EXOC6B: variants seen among roughly 807,000 people sequenced by gnomAD.
The protein encoded by EXOC6B is SEC15 homolog B.
A neutral mutation model predicts 113.5 loss-of-function variants in EXOC6B; 54 were observed. The ratio of observed to expected loss-of-function variants is 0.48; its 90% CI spans 0.38 to 0.60. The LOEUF (loss-of-function observed/expected upper bound fraction) is 0.60. Among genes scored for constraint, EXOC6B ranks in the 20% least tolerant of loss-of-function variants. The pLI is 0.00. For missense variants in EXOC6B, 797 were observed against 977.5 expected (o/e 0.82, Z 2.46); for synonymous variants, 357 against 339.0 (o/e 1.05, Z -0.58).
intron 20 of EXOC6B, among the ~76,000 whole-genome samples, chr2:72,258,538 A>G (rs1316244138): frequency 1.3e-5 from 2 of 148,806 alleles, no homozygotes; most frequent in Non-Finnish European, 3.0e-5. Context: ...AATTTTTTAA[A>G]TTTTTTCTTT....
intron 6 of EXOC6B, among the ~76,000 whole-genome samples, chr2:72,575,872 A>G (rs567552326): frequency 6.6e-6 from 1 of 152,306 alleles, no homozygotes; most frequent in South Asian, 2.1e-4. Flanking sequence ...CATCACATTA[A>G]TGTATACCTT....
intron 6 of EXOC6B, among the ~76,000 whole-genome samples, chr2:72,619,125 T>C (rs1482442332): frequency 2.6e-5 from 4 of 151,872 alleles, no homozygotes; most frequent in Non-Finnish European, 1.5e-5. Context: ...GTTACAGCCA[T>C]TCTCCTACCA....
At chr2:72,580,148 T>TG (rs1156949370) in intron 6 of EXOC6B, among the ~76,000 whole-genome samples, 1 of 145,094 alleles carries the variant, frequency 6.9e-6, no homozygotes, top group South Asian at 2.2e-4. Context: ...TTTTTTTTTT[T>TG]TTTTTTTTTT....
chr2:72,284,497 C>A (rs1477463237), intron 20 of EXOC6B, among the ~76,000 whole-genome samples: 2 of 151,994 alleles, frequency 1.3e-5, no homozygotes, highest in African/African-American at 4.8e-5. Context: ...CTACAAAAAA[C>A]CTACAGCTAA....
At chr2:72,361,547 G>A (rs952750115) in intron 19 of EXOC6B, among the ~76,000 whole-genome samples, 12 of 152,286 alleles carry the variant, frequency 7.9e-5, no homozygotes, top group African/African-American at 2.9e-4. Flanking sequence ...TACGGAACTG[G>A]AGAGGCAAGA....
chr2:72,702,021 C>T (rs1212401964), intron 6 of EXOC6B, among the ~76,000 whole-genome samples: 3 of 151,590 alleles, frequency 2.0e-5, no homozygotes, highest in South Asian at 2.1e-4. Flanking sequence ...GCTGCACCCA[C>T]TAACTCGTCA....
At chr2:72,415,668 G>A (rs553055956) in intron 18 of EXOC6B, among the ~76,000 whole-genome samples, 1 of 152,002 alleles carries the variant, frequency 6.6e-6, no homozygotes, top group Non-Finnish European at 1.5e-5. Flanking sequence ...CACTGTTGAT[G>A]GAACACTGCT....
At chr2:72,736,228 T>C (rs1170167599) in intron 2 of EXOC6B, among the ~76,000 whole-genome samples, 1 of 151,704 alleles carries the variant, frequency 6.6e-6, no homozygotes, top group Non-Finnish European at 1.5e-5. Flanking sequence ...AAAGAAACTA[T>C]ACCAGCTGTC....
At chr2:72,722,004 G>A (rs1477905774) in intron 5 of EXOC6B, 17 of 134,858 alleles carry the variant, frequency 1.3e-4, no homozygotes, top group African/African-American at 3.4e-4. Flanking sequence ...TGCTCTAATT[G>A]AAAAAAAAAA....
At chr2:72,568,019 A>C (rs1375445882) in intron 7 of EXOC6B, among the ~76,000 whole-genome samples, 2 of 152,058 alleles carry the variant, frequency 1.3e-5, no homozygotes, top group Non-Finnish European at 1.5e-5. Context: ...ACATGGTCTA[A>C]TGTATTACTA....
At chr2:72,290,178 G>A (rs1037490878) in intron 20 of EXOC6B, among the ~76,000 whole-genome samples, 4 of 152,130 alleles carry the variant, frequency 2.6e-5, no homozygotes, top group African/African-American at 7.2e-5. Context: ...TCTCCAGCCT[G>A]CCAACTGCAT....
intron 20 of EXOC6B, among the ~76,000 whole-genome samples, chr2:72,284,495 A>T (rs1260921810): frequency 2.0e-5 from 3 of 152,076 alleles, no homozygotes; most frequent in African/African-American, 7.2e-5. Flanking sequence ...ATCTACAAAA[A>T]ACCTACAGCT....
chr2:72,459,893 G>A (rs1456666094), intron 18 of EXOC6B, among the ~76,000 whole-genome samples: 9 of 152,050 alleles, frequency 5.9e-5, no homozygotes, highest in South Asian at 4.1e-4. Context: ...AGCCCACATC[G>A]CCAAGTCAAT....
chr2:72,356,448 C>G (rs1176202572), intron 19 of EXOC6B, among the ~76,000 whole-genome samples: 1 of 152,102 alleles, frequency 6.6e-6, no homozygotes, highest in African/African-American at 2.4e-5. Context: ...AGGAGGATTG[C>G]TTAAACCCAG....
intron 18 of EXOC6B, among the ~76,000 whole-genome samples, chr2:72,396,195 A>G (rs529494382): frequency 7.0e-4 from 107 of 152,120 alleles, no homozygotes; most frequent in Non-Finnish European, 1.4e-3. Context: ...GAAAAATGCC[A>G]TGTATTCTCC....
chr2:72,373,861 C>T (rs564369709), intron 19 of EXOC6B, among the ~76,000 whole-genome samples: 15 of 152,202 alleles, frequency 9.9e-5, no homozygotes, highest in African/African-American at 3.4e-4. Flanking sequence ...TGGTGGCTCA[C>T]GCCTATAATC....
intron 18 of EXOC6B, among the ~76,000 whole-genome samples, chr2:72,400,156 A>G (rs1693042975): frequency 6.6e-6 from 1 of 152,172 alleles, no homozygotes; most frequent in Admixed American, 6.5e-5. Flanking sequence ...GATCTTCAAC[A>G]AACTCAACAA....
chr2:72,744,835 A>G (rs1044267685), intron 1 of EXOC6B, among the ~76,000 whole-genome samples: 9 of 152,092 alleles, frequency 5.9e-5, no homozygotes. Flanking sequence ...TATATTAATA[A>G]TGCCTCCCTA....
chr2:72,366,858 C>A (rs1235507743), intron 19 of EXOC6B, among the ~76,000 whole-genome samples: 6 of 150,100 alleles, frequency 4.0e-5, no homozygotes, highest in Non-Finnish European at 5.9e-5. Flanking sequence ...GAAGATTTTA[C>A]CAGAAAAAAA....
Sources: allele counts gnomAD v4.1 joint callset (sites outside exome capture counted in the v4.1 genomes callset), GRCh38; gene constraint gnomAD v4.1.1; transcripts MANE v1.5; gene names NCBI Gene and HGNC (gene_info 2026-07-23, HGNC 2026-07-21).